The following FGD4 variants were observed in gnomAD, a reference collection of about 807,000 sequenced individuals.
The protein encoded by FGD4 is FYVE, RhoGEF and PH domain containing 4, also known as FYVE, RhoGEF and PH domain-containing protein 4.
Under a neutral mutation model 102.0 loss-of-function variants are expected in FGD4, and 42 were observed. The ratio of observed to expected loss-of-function variants is 0.41; its 90% CI spans 0.32 to 0.53. FGD4 has a LOEUF of 0.53. FGD4 is among the 20% of genes least tolerant of loss of function. The probability of loss-of-function intolerance (pLI) is 0.21; values close to 1 mark genes in which losing one functional copy is unlikely to be tolerated. For missense variants in FGD4, 902 were observed against 1,078.2 expected (o/e 0.84, Z 2.29); for synonymous variants, 380 against 375.7 (o/e 1.01, Z -0.13).
chr12:32,415,410 C>T (rs1156533650), intron 1 of FGD4, among the ~76,000 whole-genome samples: 3 of 137,402 alleles, frequency 2.2e-5, no homozygotes, highest in African/African-American at 8.3e-5. Flanking sequence ...TGGGATCTGT[C>T]TCTCTTTTTT....
chr12:32,543,773 C>G (rs965957149), intron 1 of FGD4, among the ~76,000 whole-genome samples: 2 of 152,072 alleles, frequency 1.3e-5, no homozygotes, highest in South Asian at 2.1e-4. Context: ...ACTACAGATG[C>G]CCGCCACCAC....
intron 4 of FGD4, among the ~76,000 whole-genome samples, chr12:32,591,244 C>G (rs758316898): frequency 1.3e-5 from 2 of 152,094 alleles, no homozygotes; most frequent in Non-Finnish European, 2.9e-5. Flanking sequence ...CATTCATGTC[C>G]TATAAAAACC....
At chr12:32,424,197 C>A (rs1394090682) in intron 1 of FGD4, among the ~76,000 whole-genome samples, 3 of 152,104 alleles carry the variant, frequency 2.0e-5, no homozygotes, top group Admixed American at 1.3e-4. Flanking sequence ...TTAGGTATTT[C>A]TTCTAATGCT....
chr12:32,548,359 C>T (rs1039535350), intron 1 of FGD4, among the ~76,000 whole-genome samples: 4 of 152,120 alleles, frequency 2.6e-5, no homozygotes, highest in Non-Finnish European at 5.9e-5. Context: ...TATATCTTTT[C>T]GCTACTTAGA....
At chr12:32,503,841 A>G (rs1938446326) in intron 1 of FGD4, among the ~76,000 whole-genome samples, 1 of 152,198 alleles carries the variant, frequency 6.6e-6, no homozygotes, top group South Asian at 2.1e-4. Flanking sequence ...AGCCTCATGT[A>G]TGATTATGTG....
At chr12:32,587,836 G>A (rs2136485988) in intron 4 of FGD4, among the ~76,000 whole-genome samples, 1 of 152,300 alleles carries the variant, frequency 6.6e-6, no homozygotes, top group East Asian at 1.9e-4. Context: ...CTAAGTTTAT[G>A]GTTCCTGCAA....
chr12:32,402,522 A>G (rs937802206), intron 1 of FGD4, among the ~76,000 whole-genome samples: 14 of 151,862 alleles, frequency 9.2e-5, no homozygotes, highest in African/African-American at 3.1e-4. Flanking sequence ...ATCGTAGCTC[A>G]CTATAGCTTC....
chr12:32,448,539 C>T (rs1942684985), intron 1 of FGD4, among the ~76,000 whole-genome samples: 2 of 151,964 alleles, frequency 1.3e-5, no homozygotes, highest in African/African-American at 4.8e-5. Context: ...TGCCTGTAAT[C>T]CCAGCTACTT....
chr12:32,482,042 C>T (rs867737386), intron 1 of FGD4, among the ~76,000 whole-genome samples: 1 of 152,118 alleles, frequency 6.6e-6, no homozygotes, highest in Non-Finnish European at 1.5e-5. Flanking sequence ...TCTTAGAGAA[C>T]AGTCTCAAAT....
At chr12:32,623,539 T>G (rs1949974474) in intron 11 of FGD4, among the ~76,000 whole-genome samples, 1 of 152,120 alleles carries the variant, frequency 6.6e-6, no homozygotes, top group African/African-American at 2.4e-5. Flanking sequence ...TCATGCATGT[T>G]TCATACCTGT....
chr12:32,599,363 G>A (rs111330646), intron 5 of FGD4, among the ~76,000 whole-genome samples: 12,200 of 141,654 alleles, frequency 0.086, 623 homozygotes, highest in Middle Eastern at 0.18. Context: ...GCGTGGTAGC[G>A]GGCGCCTGTA....
In FGD4 at chr12:32,598,603, C is replaced by T; in HGVS notation, c.1101+17C>T. The T allele has an allele frequency of 6.3e-7, 1 of 1,592,622 alleles. No homozygotes were observed. The highest frequency in any genetic ancestry group is 8.6e-7 in the Non-Finnish European group (1 of 1,160,724). On this transcript the variant is annotated intron_variant, in intron 5 of 16. Transcript: ENST00000534526. Reference sequence around the variant, plus strand: ...TTAGATCAGGTAAGATTTTCTTTCTCAGAATTATTTTATATTTTGGCATTA... The same window carrying T: ...TTAGATCAGGTAAGATTTTCTTTCTTAGAATTATTTTATATTTTGGCATTA...
In FGD4 at chr12:32,506,449, G is replaced by A. The variant is rs1381057688; in HGVS notation, c.167-57688G>A. The stretch of plus-strand genomic sequence containing the variant: ...CACTGTGGATCCCAAAGCAGGTGGG[G>A]GAGGGAGGAGCCTGAGGAACGACTA... On this transcript the variant is annotated intron_variant, in intron 1 of 16. Transcript: ENST00000534526. This position sits in a 1 kb window ranked among gnomAD's most constrained non-coding sequence, Gnocchi z 4.5. 6.6e-6 allele frequency among the ~76,000 whole-genome samples: 1 copy of A among 152,156 alleles called. No individual in the cohort carries two copies. The highest frequency in any genetic ancestry group is 1.5e-5 in the Non-Finnish European group (1 of 68,032).
intron 4 of FGD4, among the ~76,000 whole-genome samples, chr12:32,584,626 C>T (rs574914573): frequency 1.3e-5 from 2 of 152,000 alleles, no homozygotes; most frequent in South Asian, 2.1e-4. Context: ...TCTTAAGGCC[C>T]ATTTCAGTGA....
intron 1 of FGD4, among the ~76,000 whole-genome samples, chr12:32,459,014 G>A (rs1943025277): frequency 1.3e-5 from 2 of 152,076 alleles, no homozygotes; most frequent in South Asian, 4.2e-4. Flanking sequence ...TCATGTAACT[G>A]GCTATTGGTA....
At chr12:32,430,345 G>A (rs573783014) in intron 1 of FGD4, among the ~76,000 whole-genome samples, 36 of 152,118 alleles carry the variant, frequency 2.4e-4, no homozygotes, top group East Asian at 7.7e-4. Flanking sequence ...GATTCTGGAG[G>A]TAGAAACAAG....
intron 1 of FGD4, among the ~76,000 whole-genome samples, chr12:32,435,312 G>C (rs1166613985): frequency 6.6e-6 from 1 of 150,696 alleles, no homozygotes; most frequent in Non-Finnish European, 1.5e-5. Flanking sequence ...GACAGGCCTG[G>C]GTTCAAATGC....
intron 2 of FGD4, among the ~76,000 whole-genome samples, chr12:32,573,658 A>G (rs184205997): frequency 2.1e-4 from 32 of 152,074 alleles, no homozygotes; most frequent in African/African-American, 7.5e-4. Flanking sequence ...ATATCCATGT[A>G]TCATTTGTTC....
chr12:32,637,354 T>A (rs1950896580), intron 15 of FGD4, among the ~76,000 whole-genome samples: 1 of 151,758 alleles, frequency 6.6e-6, no homozygotes, highest in African/African-American at 2.4e-5. Flanking sequence ...CCCAGCACTT[T>A]GGGAGGCCAA....
Sources: allele counts gnomAD v4.1 joint callset (sites outside exome capture counted in the v4.1 genomes callset), GRCh38; gene constraint gnomAD v4.1.1; non-coding constraint Gnocchi (gnomAD v3.1); transcripts MANE v1.5; gene names NCBI Gene and HGNC (gene_info 2026-07-23, HGNC 2026-07-21).